GRHL2: variants seen among roughly 807,000 people sequenced by gnomAD.
GRHL2 encodes the protein grainyhead-like protein 2 homolog.
GRHL2 carries 21 observed loss-of-function variants against 83.8 expected under a neutral mutation model. The ratio of observed to expected loss-of-function variants is 0.25; its 90% CI spans 0.18 to 0.36. The LOEUF is 0.36. GRHL2 is among the 10% of genes least tolerant of loss of function. The pLI is 1.00. For missense variants in GRHL2, 623 were observed against 781.8 expected (o/e 0.80, Z 2.42); for synonymous variants, 280 against 278.9 (o/e 1.00, Z -0.04).
chr8:101,630,770 G>C (rs1813171327), intron 9 of GRHL2, among the ~76,000 whole-genome samples: 1 of 152,202 alleles, frequency 6.6e-6, no homozygotes, highest in African/African-American at 2.4e-5. Context: ...AGCAAGAGTA[G>C]AGATAGAGCA....
At chr8:101,557,349 C>G (rs547448807) in intron 3 of GRHL2, among the ~76,000 whole-genome samples, 1 of 151,676 alleles carries the variant, frequency 6.6e-6, no homozygotes, top group South Asian at 2.1e-4. Context: ...CTCAGCCTCC[C>G]GAGTAGCTGG....
chr8:101,548,966 T>C (rs1314813267), intron 2 of GRHL2, among the ~76,000 whole-genome samples: 3 of 152,320 alleles, frequency 2.0e-5, no homozygotes, highest in East Asian at 3.9e-4. Flanking sequence ...GCCATTTTCA[T>C]TGATCAATTG....
intron 3 of GRHL2, among the ~76,000 whole-genome samples, chr8:101,557,349 C>T (rs547448807): frequency 1.8e-4 from 28 of 151,796 alleles, no homozygotes; most frequent in Non-Finnish European, 5.9e-5. Flanking sequence ...CTCAGCCTCC[C>T]GAGTAGCTGG....
intron 8 of GRHL2, among the ~76,000 whole-genome samples, chr8:101,606,112 A>C (rs1017611635): frequency 6.6e-6 from 1 of 152,234 alleles, no homozygotes; most frequent in Non-Finnish European, 1.5e-5. Context: ...TGCAGGAGGC[A>C]TACAGTGACC....
intron 4 of GRHL2, among the ~76,000 whole-genome samples, chr8:101,566,162 G>A (rs1048643447): frequency 2.6e-5 from 4 of 152,164 alleles, no homozygotes; most frequent in African/African-American, 4.8e-5. Context: ...ATATGATGCA[G>A]TGGCTATGGT....
chr8:101,616,551 C>G (rs147182833), intron 8 of GRHL2, among the ~76,000 whole-genome samples: 6 of 152,270 alleles, frequency 3.9e-5, no homozygotes, highest in African/African-American at 9.6e-5. Flanking sequence ...TTCTCTTTTT[C>G]TTTACTGTTC....
At chr8:101,636,851 A>G (rs1442587127) in intron 11 of GRHL2, 46 bp from the exon 12 acceptor site, 2 of 1,583,288 alleles carry the variant, frequency 1.3e-6, no homozygotes, top group African/African-American at 1.4e-5. Context: ...TATTTTTTCC[A>G]TTTCTTGTCT....
chr8:101,607,705 G>A (rs940170557), intron 8 of GRHL2, among the ~76,000 whole-genome samples: 1 of 152,214 alleles, frequency 6.6e-6, no homozygotes, highest in Non-Finnish European at 1.5e-5. Context: ...AGGGCAAATG[G>A]CATTTTTTTA....
intron 4 of GRHL2, among the ~76,000 whole-genome samples, chr8:101,564,600 G>A (rs1563582825): frequency 1.3e-5 from 2 of 151,824 alleles, no homozygotes; most frequent in Non-Finnish European, 2.9e-5. Flanking sequence ...GAGCCCATGA[G>A]TTCAAGACTA....
chr8:101,623,087 G>A lies in GRHL2; in HGVS notation c.1257+3390G>A, dbSNP rs114422640. 4.2e-3 allele frequency among the ~76,000 whole-genome samples: 636 copies of A among 152,356 alleles called. 5 individuals carry two copies. Among genetic ancestry groups the A allele is most frequent in the African/African-American group, 0.014 (593 of 41,582 alleles). On this transcript the variant is annotated intron_variant, in intron 9 of 15. Transcript: ENST00000646743. ...GTATGTACTGTTAACATGTCCGAGA[G>A]TTCTGGTTTAGCAGTGGCAGGAGAA...
chr8:101,574,046 G>C (rs1216643848), intron 6 of GRHL2, among the ~76,000 whole-genome samples: 2 of 152,186 alleles, frequency 1.3e-5, no homozygotes, highest in African/African-American at 4.8e-5. Context: ...GGAACATGCT[G>C]TCTGACTGTA....
chr8:101,599,267 T>C, intron 8 of GRHL2, 116 bp downstream of exon 8: 1 of 765,662 alleles, frequency 1.3e-6, no homozygotes. Flanking sequence ...GAACCTTTCA[T>C]CTTTTGCCTT....
chr8:101,632,380 C>T lies in GRHL2; in HGVS notation c.1485+15C>T, dbSNP rs1813203285. On this transcript the variant is annotated intron_variant, in intron 11 of 15. Transcript: ENST00000646743. ...GGACCGGACAGGTATGACCTACCAG[C>T]TAACGCCCACCTCCCATCCATCCAC... 1.2e-6 allele frequency: 2 copies of T among 1,613,644 alleles called. No individual in the cohort carries two copies. The highest frequency in any genetic ancestry group is 1.7e-5 in the Admixed American group (1 of 59,986).
chr8:101,579,776 C>A (rs909057125), intron 7 of GRHL2, among the ~76,000 whole-genome samples: 12 of 152,192 alleles, frequency 7.9e-5, no homozygotes, highest in African/African-American at 2.9e-4. Context: ...ATATGTCTGC[C>A]TGTTGCACCG....
intron 3 of GRHL2, among the ~76,000 whole-genome samples, chr8:101,553,238 G>A (rs149455741): frequency 2.0e-5 from 3 of 152,338 alleles, no homozygotes; most frequent in African/African-American, 4.8e-5. Flanking sequence ...AAGGGCTATC[G>A]CTGTCAGGGT....
chr8:101,667,747 G>A lies in GRHL2; in HGVS notation c.*1044G>A, dbSNP rs76578017. 0.014 allele frequency: 2,068 copies of A among 152,914 alleles called. 19 individuals carry two copies. Among genetic ancestry groups the A allele is most frequent in the Non-Finnish European group, 0.021 (1,444 of 68,150 alleles). 9.5% of individuals were successfully genotyped at this position (152,914 alleles called of 1,614,324 possible). On this transcript the variant is annotated 3_prime_UTR_variant, in exon 16 of 16. Transcript: ENST00000646743. ...AGCTTTGGCTGCGGGCATGGCCTGAGCTTTCTGGAGAGCCTCTGCAGGGGG... is the reference window on the plus strand; with the variant it reads ...AGCTTTGGCTGCGGGCATGGCCTGAACTTTCTGGAGAGCCTCTGCAGGGGG...
At chr8:101,532,376 T>C (rs1236558335) in intron 1 of GRHL2, among the ~76,000 whole-genome samples, 1 of 152,208 alleles carries the variant, frequency 6.6e-6, no homozygotes, top group Non-Finnish European at 1.5e-5. Context: ...ATTACTTAAG[T>C]CAGTAATCAG....
chr8:101,678,829 T>C, the GRHL2 span, among the ~76,000 whole-genome samples: 53,677 of 145,416 alleles, frequency 0.37, 9,245 homozygotes, highest in South Asian at 0.49. Context: ...ACACCTCACA[T>C]GGCAGGGTAT....
chr8:101,524,975 T>C (rs1003659347), intron 1 of GRHL2, among the ~76,000 whole-genome samples: 2 of 151,952 alleles, frequency 1.3e-5, no homozygotes, highest in Non-Finnish European at 2.9e-5. Flanking sequence ...GGAGTTTTGC[T>C]CTTGTTGCCC....
Sources: gnomAD v4.1 joint callset for allele counts (sites outside exome capture counted in the v4.1 genomes callset) on GRCh38, gnomAD v4.1.1 for gene constraint, MANE v1.5 for transcripts, NCBI Gene and HGNC (gene_info 2026-07-23, HGNC 2026-07-21) for gene names.